MEF2A: variants seen among roughly 807,000 people sequenced by gnomAD.
MEF2A encodes the protein myocyte enhancer factor 2A, also known as myocyte-specific enhancer factor 2A.
A neutral mutation model predicts 55.8 loss-of-function variants in MEF2A; 28 were observed. That is an observed-to-expected ratio of 0.50 (90% CI 0.37 to 0.69). The LOEUF (loss-of-function observed/expected upper bound fraction) is 0.69. Ranked by LOEUF, MEF2A falls within the 30% of genes least tolerant of loss-of-function variation. The probability of loss-of-function intolerance (pLI) is 0.00; values close to 1 mark genes in which losing one functional copy is unlikely to be tolerated. For synonymous variants in MEF2A, 239 were observed against 227.1 expected (o/e 1.05, Z -0.47); for missense variants, 528 against 626.2 (o/e 0.84, Z 1.67).
chr15:99,670,680 A>G (rs1164109360), intron 4 of MEF2A, among the ~76,000 whole-genome samples: 2 of 152,240 alleles, frequency 1.3e-5, no homozygotes, highest in Admixed American at 6.5e-5. Flanking sequence ...AAACCATGAA[A>G]TACACTCTGA....
intron 3 of MEF2A, among the ~76,000 whole-genome samples, chr15:99,635,433 T>C (rs959486080): frequency 3.9e-5 from 6 of 152,226 alleles, no homozygotes; most frequent in African/African-American, 9.6e-5. Context: ...TGTTCTTCCT[T>C]ATCTAGAACA....
chr15:99,676,576 GTTT>G (rs67443428), intron 7 of MEF2A, among the ~76,000 whole-genome samples: 2 of 140,822 alleles, frequency 1.4e-5, no homozygotes, highest in Admixed American at 7.0e-5. Context: ...ATACAGTTTT[GTTT>G]TTTTTTTTTT....
chr15:99,575,728 A>G (rs948023735), intron 1 of MEF2A, among the ~76,000 whole-genome samples: 4 of 152,206 alleles, frequency 2.6e-5, no homozygotes, highest in African/African-American at 4.8e-5. Context: ...CACTTACTAC[A>G]CAGAATTGCA....
chr15:99,566,636 C>T (rs1024452799), intron 1 of MEF2A: 3 of 152,194 alleles, frequency 2.0e-5, no homozygotes, highest in African/African-American at 7.2e-5. Context: ...CCTTTTCCCT[C>T]CAAGCCCGGG....
chr15:99,567,263 G>A (rs1406048591), intron 1 of MEF2A, among the ~76,000 whole-genome samples: 2 of 152,184 alleles, frequency 1.3e-5, no homozygotes, highest in East Asian at 1.9e-4. Context: ...GTTAACAATA[G>A]CATATGTATT....
At chr15:99,597,771 G>A (rs964260797) in intron 1 of MEF2A, among the ~76,000 whole-genome samples, 6 of 152,066 alleles carry the variant, frequency 3.9e-5, no homozygotes, top group African/African-American at 9.7e-5. Flanking sequence ...CAAGCTGGCC[G>A]ACGCTTAAGG....
At chr15:99,618,864 A>T (rs1329750034) in intron 2 of MEF2A, among the ~76,000 whole-genome samples, 1 of 152,236 alleles carries the variant, frequency 6.6e-6, no homozygotes, top group African/African-American at 2.4e-5. Flanking sequence ...AGTAAAATAA[A>T]AACAGTTTTT....
intron 3 of MEF2A, among the ~76,000 whole-genome samples, chr15:99,642,887 C>T (rs1338055775): frequency 6.6e-6 from 1 of 152,142 alleles, no homozygotes; most frequent in Admixed American, 6.5e-5. Context: ...GTTAGGGATT[C>T]TTACTTTCCT....
chr15:99,665,124 A>G (rs996345029), intron 4 of MEF2A, among the ~76,000 whole-genome samples: 10 of 152,210 alleles, frequency 6.6e-5, no homozygotes, highest in Admixed American at 2.0e-4. Flanking sequence ...TAAGTTAACT[A>G]ATGTCCATCT....
intron 1 of MEF2A, among the ~76,000 whole-genome samples, chr15:99,596,856 A>G (rs1971351302): frequency 1.3e-5 from 2 of 152,180 alleles, no homozygotes; most frequent in African/African-American, 4.8e-5. Context: ...AGGGACCCCA[A>G]ACGGAGGGAC....
intron 7 of MEF2A, among the ~76,000 whole-genome samples, chr15:99,677,148 A>T (rs888266126): frequency 1.3e-5 from 2 of 150,838 alleles, no homozygotes; most frequent in African/African-American, 2.4e-5. Context: ...ATAAATAAAT[A>T]AAATAAAACA....
intron 1 of MEF2A, among the ~76,000 whole-genome samples, chr15:99,577,016 A>G (rs531478279): frequency 2.6e-5 from 4 of 152,320 alleles, no homozygotes; most frequent in South Asian, 4.1e-4. Context: ...TAATTAATGA[A>G]CATCAAAATG....
chr15:99,709,746 G>A (rs888145765), intron 10 of MEF2A, among the ~76,000 whole-genome samples: 2 of 152,278 alleles, frequency 1.3e-5, no homozygotes, highest in South Asian at 2.1e-4. Flanking sequence ...GATAACTAAC[G>A]TCCTAAATCT....
intron 3 of MEF2A, 99 bp from the exon 4 acceptor site, chr15:99,645,462 A>C (rs1203718104): frequency 1.1e-6 from 1 of 874,212 alleles, no homozygotes; most frequent in Non-Finnish European, 1.8e-6. Context: ...TCCATCTTTG[A>C]AATCTGGCTC....
chr15:99,588,719 A>C (rs2570804), intron 1 of MEF2A, among the ~76,000 whole-genome samples: 32,622 of 151,596 alleles, frequency 0.22, 4,208 homozygotes, highest in South Asian at 0.33. Flanking sequence ...CTGGAGTTAT[A>C]GCCGTGAGCC....
intron 1 of MEF2A, among the ~76,000 whole-genome samples, chr15:99,582,618 A>G (rs1361567433): frequency 1.3e-5 from 2 of 151,994 alleles, no homozygotes; most frequent in South Asian, 2.1e-4. Context: ...AATCCTTTAC[A>G]TTGCTGTCTT....
In MEF2A at chr15:99,716,279, C is replaced by A. The variant is rs1172222299; in HGVS notation, c.*3508C>A. 1 of 342,348 alleles carries A rather than the reference C, an allele frequency of 2.9e-6. No individual in the cohort carries two copies. The highest frequency in any genetic ancestry group is 5.8e-6 in the Non-Finnish European group (1 of 172,662). The allele number at this position is 342,348 out of a possible 1,614,324, so 21.2% of individuals were successfully genotyped here. ...TTGATCATGTAAAACCGTTTGGCGG[C>A]ACAAGCTGGACTTTGTTGCCATCCT... On this transcript the variant is annotated 3_prime_UTR_variant, in exon 12 of 12. Transcript: ENST00000557942.
intron 7 of MEF2A, among the ~76,000 whole-genome samples, chr15:99,688,312 G>T (rs1297989973): frequency 1.3e-5 from 2 of 152,142 alleles, no homozygotes; most frequent in Admixed American, 1.3e-4. Flanking sequence ...ATTGTATAGG[G>T]GATGTATTAA....
chr15:99,618,711 GAAGA>G (rs2040627515), intron 2 of MEF2A, among the ~76,000 whole-genome samples: 1 of 152,048 alleles, frequency 6.6e-6, no homozygotes. Context: ...ATGAGAGTGA[GAAGA>G]GAGAGAATGA....
Sources: allele counts gnomAD v4.1 joint callset (sites outside exome capture counted in the v4.1 genomes callset), GRCh38; gene constraint gnomAD v4.1.1; transcripts MANE v1.5; gene names NCBI Gene and HGNC (gene_info 2026-07-23, HGNC 2026-07-21).